PXDNL: variants seen among roughly 807,000 people sequenced by gnomAD.
The protein encoded by PXDNL is peroxidasin like, also known as probable oxidoreductase PXDNL.
In PXDNL, 145 loss-of-function variants were observed where a neutral mutation model predicts 150.8. The observed-to-expected ratio is 0.96, with a 90% confidence interval of 0.84 to 1.10. The LOEUF is 1.10. PXDNL is among the 50% of genes least tolerant of loss of function. The pLI is 0.00. For synonymous variants in PXDNL, 757 were observed against 725.7 expected (o/e 1.04, Z -0.69); for missense variants, 2,087 against 1,873.9 (o/e 1.11, Z -2.10).
chr8:51,473,310 C>CACACACACACACACACAA, intron 7 of PXDNL, among the ~76,000 whole-genome samples: 2 of 151,192 alleles, frequency 1.3e-5, no homozygotes, highest in Admixed American at 6.6e-5. Context: ...CACACACACA[C>CACACACACACACACACAA]AAATACATAT....
chr8:51,749,500 AG>A (rs34269191), intron 1 of PXDNL, among the ~76,000 whole-genome samples: 9,449 of 152,232 alleles, frequency 0.062, 371 homozygotes, highest in Non-Finnish European at 0.087. Context: ...AACATAGAAA[AG>A]GTACAGTAAA....
chr8:51,602,202 T>A (rs1476913741), intron 2 of PXDNL, among the ~76,000 whole-genome samples: 1 of 151,890 alleles, frequency 6.6e-6, no homozygotes, highest in Non-Finnish European at 1.5e-5. Context: ...TGCTCTAGAT[T>A]TTTTGTATCT....
At chr8:51,641,881 ATGC>A (rs1194645672) in intron 2 of PXDNL, among the ~76,000 whole-genome samples, 2 of 152,310 alleles carry the variant, frequency 1.3e-5, no homozygotes, top group East Asian at 3.9e-4. Flanking sequence ...ACTATAAATC[ATGC>A]TGCTATAAAG....
chr8:51,793,751 T>A (rs1302655487), intron 1 of PXDNL, among the ~76,000 whole-genome samples: 2 of 151,848 alleles, frequency 1.3e-5, no homozygotes, highest in Non-Finnish European at 2.9e-5. Context: ...TAGTTGGGCG[T>A]GGTGACTGAC....
At chr8:51,765,453 G>T (rs753996414) in intron 1 of PXDNL, among the ~76,000 whole-genome samples, 1 of 152,090 alleles carries the variant, frequency 6.6e-6, no homozygotes, top group African/African-American at 2.4e-5. Context: ...CCAGTCTCGG[G>T]TATGTCTTTA....
intron 4 of PXDNL, among the ~76,000 whole-genome samples, chr8:51,536,680 C>T (rs752742587): frequency 5.3e-5 from 8 of 150,304 alleles, no homozygotes; most frequent in African/African-American, 1.7e-4. Flanking sequence ...CTTCTTTCTT[C>T]GTAATATATC....
intron 1 of PXDNL, among the ~76,000 whole-genome samples, chr8:51,665,855 T>A (rs1280353738): frequency 6.6e-6 from 1 of 152,220 alleles, no homozygotes; most frequent in Non-Finnish European, 1.5e-5. Flanking sequence ...CACCAACCAT[T>A]TCATTCCTGT....
At chr8:51,491,763 C>T (rs1810901464) in intron 5 of PXDNL, among the ~76,000 whole-genome samples, 1 of 152,326 alleles carries the variant, frequency 6.6e-6, no homozygotes, top group African/African-American at 2.4e-5. Flanking sequence ...TTTATTGCTA[C>T]ACCACAAGAA....
chr8:51,409,654 C>CGGTG, intron 16 of PXDNL, 93 bp from the exon 17 acceptor site: 1 of 1,036,264 alleles, frequency 9.7e-7, no homozygotes, highest in African/African-American at 1.6e-5. Context: ...CACCTCCCAC[C>CGGTG]CCGCCCGCCC....
chr8:51,472,133 A>C, intron 8 of PXDNL, 54 bp downstream of exon 8: 1 of 1,185,670 alleles, frequency 8.4e-7, no homozygotes, highest in Non-Finnish European at 1.2e-6. Flanking sequence ...TGAGTTAAAA[A>C]GATTGCTGGA....
intron 3 of PXDNL, among the ~76,000 whole-genome samples, chr8:51,572,641 A>G (rs78530104): frequency 6.6e-5 from 10 of 151,912 alleles, no homozygotes; most frequent in Admixed American, 6.6e-4. Flanking sequence ...ATGGTTGCAC[A>G]ATATGGTGAA....
intron 4 of PXDNL, among the ~76,000 whole-genome samples, chr8:51,508,455 T>C (rs950447091): frequency 9.9e-5 from 15 of 152,206 alleles, no homozygotes; most frequent in Admixed American, 7.9e-4. Flanking sequence ...AGCATTGGAA[T>C]GCGTCGGTTA....
At chr8:51,523,651 A>G (rs1811706354) in intron 4 of PXDNL, among the ~76,000 whole-genome samples, 1 of 152,218 alleles carries the variant, frequency 6.6e-6, no homozygotes, top group Non-Finnish European at 1.5e-5. Context: ...AGTTAACATC[A>G]TCCCAGGAAC....
chr8:51,511,227 A>G (rs1191293307), intron 4 of PXDNL, among the ~76,000 whole-genome samples: 4 of 152,172 alleles, frequency 2.6e-5, no homozygotes, highest in African/African-American at 9.7e-5. Context: ...AGGGCAGTGG[A>G]AGATTGCAGA....
At chr8:51,480,938 A>C (rs1810589369) in intron 6 of PXDNL, among the ~76,000 whole-genome samples, 1 of 152,196 alleles carries the variant, frequency 6.6e-6, no homozygotes, top group Non-Finnish European at 1.5e-5. Flanking sequence ...TATTAACAGT[A>C]TAAGAACAGA....
chr8:51,375,317 T>G (rs1233132185), intron 17 of PXDNL, among the ~76,000 whole-genome samples: 1 of 152,176 alleles, frequency 6.6e-6, no homozygotes, highest in Non-Finnish European at 1.5e-5. Flanking sequence ...AAATGTTGAT[T>G]ATAAGCCAAC....
chr8:51,483,617 G>A (rs1466567654), intron 6 of PXDNL, 26 bp downstream of exon 6: 1 of 1,376,280 alleles, frequency 7.3e-7, no homozygotes, highest in African/African-American at 1.5e-5. Context: ...AAAGGTTTTT[G>A]TGTTAATGCA....
chr8:51,620,216 A>T (rs1454361907), intron 2 of PXDNL, among the ~76,000 whole-genome samples: 1 of 152,232 alleles, frequency 6.6e-6, no homozygotes, highest in Non-Finnish European at 1.5e-5. Context: ...TGAGAATAAT[A>T]GCCAAAGACC....
At chr8:51,642,107 C>A (rs1397691453) in intron 2 of PXDNL, among the ~76,000 whole-genome samples, 15 of 150,960 alleles carry the variant, frequency 9.9e-5, no homozygotes, top group Admixed American at 8.0e-4. Context: ...ATCACAAGAA[C>A]AAAAAACCAA....
Sources: allele counts gnomAD v4.1 joint callset (sites outside exome capture counted in the v4.1 genomes callset), GRCh38; gene constraint gnomAD v4.1.1; transcripts MANE v1.5; gene names NCBI Gene and HGNC (gene_info 2026-07-23, HGNC 2026-07-21).